The following MYO1B variants were observed in gnomAD, a reference collection of about 807,000 sequenced individuals.
The protein encoded by MYO1B is myosin IB.
In MYO1B, 72 loss-of-function variants were observed where a neutral mutation model predicts 159.7. That is an observed-to-expected ratio of 0.45 (90% CI 0.37 to 0.55). The LOEUF (loss-of-function observed/expected upper bound fraction) is 0.55. Among genes scored for constraint, MYO1B ranks in the 20% least tolerant of loss-of-function variants. The probability of loss-of-function intolerance (pLI) is 0.00; values close to 1 mark genes in which losing one functional copy is unlikely to be tolerated. For synonymous variants in MYO1B, 468 were observed against 473.8 expected, an observed-to-expected ratio of 0.99 and a Z score of 0.16; for missense variants, 1,062 against 1,364.8, an observed-to-expected ratio of 0.78 and a Z score of 3.50.
rs1284895965 is a variant in MYO1B, at chr2:191,410,829, G to A, written c.2767-237G>A. Among the ~76,000 whole-genome samples, 3 of 152,136 alleles carry A rather than the reference G, an allele frequency of 2.0e-5. No individual in the cohort carries two copies. The East Asian group carries it at 5.8e-4, about 29-fold the overall frequency. On this transcript the variant is annotated intron_variant, in intron 26 of 30. Coordinates refer to ENST00000392318, the MANE Select transcript of MYO1B (RefSeq NM_001130158.3). ...TACTTGCAAGGCCCGTGCCCACTAG[G>A]CCCTGGTGTGTTTTGAAGAAGCATT...
At chr2:191,357,038 A>G (rs1693338224) in intron 7 of MYO1B, among the ~76,000 whole-genome samples, 4 of 152,218 alleles carry the variant, frequency 2.6e-5, no homozygotes, top group Non-Finnish European at 4.4e-5. Context: ...AGCCTTAATC[A>G]AGAATTTGGA....
chr2:191,247,426 G>A (rs1383195946), intron 1 of MYO1B, among the ~76,000 whole-genome samples: 1 of 152,204 alleles, frequency 6.6e-6, no homozygotes, highest in Non-Finnish European at 1.5e-5. Flanking sequence ...GAAAAGAGCT[G>A]TATAAGCTAC....
chr2:191,283,611 C>T (rs1052669728), intron 2 of MYO1B, among the ~76,000 whole-genome samples: 2 of 152,174 alleles, frequency 1.3e-5, no homozygotes, highest in African/African-American at 4.8e-5. Context: ...AAATTATCTT[C>T]ATTTTACATA....
chr2:191,322,879 T>A (rs1038672412), intron 3 of MYO1B, among the ~76,000 whole-genome samples: 1 of 152,104 alleles, frequency 6.6e-6, no homozygotes, highest in Non-Finnish European at 1.5e-5. Flanking sequence ...ACAAGTTTAT[T>A]AGAGAATCAG....
intron 4 of MYO1B, among the ~76,000 whole-genome samples, chr2:191,333,834 T>C (rs1691648880): frequency 6.6e-6 from 1 of 152,194 alleles, no homozygotes; most frequent in South Asian, 2.1e-4. Context: ...AAACAGAATT[T>C]AATTCTTAGA....
At chr2:191,370,069 C>A (rs2126037292) in intron 12 of MYO1B, among the ~76,000 whole-genome samples, 158 bp from the exon 13 acceptor site, 1 of 152,218 alleles carries the variant, frequency 6.6e-6, no homozygotes, top group East Asian at 1.9e-4. Flanking sequence ...AGTTCTATAC[C>A]AATGCCTCAT....
At chr2:191,299,362 C>T (rs1285897014) in intron 3 of MYO1B, among the ~76,000 whole-genome samples, 1 of 151,982 alleles carries the variant, frequency 6.6e-6, no homozygotes, top group Non-Finnish European at 1.5e-5. Context: ...ACTAATGCAT[C>T]TGAAGTTGCC....
At chr2:191,387,715 C>T in intron 17 of MYO1B, 1 of 473,168 alleles carries the variant, frequency 2.1e-6, no homozygotes, top group Non-Finnish European at 3.8e-6. Flanking sequence ...GGGTTTTCAA[C>T]TTTCTGTATG....
rs1211031992 is a variant in MYO1B, at chr2:191,383,446, TTTTA to T, written c.1353+106_1353+109del. On this transcript the variant is annotated intron_variant, in intron 15 of 30. Transcript: ENST00000392318. Reference sequence around the variant, plus strand: ...GTTAAGCATTAGTATTTTCACTGTTTTTTATATATATATATATATATATATATAC... The same window carrying T: ...GTTAAGCATTAGTATTTTCACTGTTTTATATATATATATATATATATATAC... The T allele has an allele frequency of 1.9e-3, 72 of 38,034 alleles. 5 individuals carry two copies. Among genetic ancestry groups the T allele is most frequent in the African/African-American group, 5.7e-3 (65 of 11,328 alleles). 2.4% of individuals were successfully genotyped at this position (38,034 alleles called of 1,614,324 possible).
chr2:191,275,909 T>G (rs549768390), intron 1 of MYO1B, among the ~76,000 whole-genome samples: 2 of 152,326 alleles, frequency 1.3e-5, no homozygotes, highest in South Asian at 4.1e-4. Context: ...TTGAAAGATT[T>G]TTAGTACTCT....
intron 30 of MYO1B, among the ~76,000 whole-genome samples, chr2:191,417,069 A>C (rs1011735243): frequency 3.3e-5 from 5 of 152,204 alleles, no homozygotes; most frequent in African/African-American, 1.2e-4. Flanking sequence ...ACTTCTTTGC[A>C]TGTCTAGATT....
intron 20 of MYO1B, among the ~76,000 whole-genome samples, 174 bp from the exon 21 acceptor site, chr2:191,396,255 T>C (rs1696064330): frequency 6.6e-6 from 1 of 152,236 alleles, no homozygotes; most frequent in South Asian, 2.1e-4. Flanking sequence ...TACTTTGGAT[T>C]AACTGTAATA....
intron 17 of MYO1B, among the ~76,000 whole-genome samples, chr2:191,388,843 A>C (rs1028185921): frequency 6.6e-6 from 1 of 152,166 alleles, no homozygotes; most frequent in Non-Finnish European, 1.5e-5. Flanking sequence ...AAGACGTAAA[A>C]CATTTCCATT....
At chr2:191,268,707 C>T (rs940498734) in intron 1 of MYO1B, among the ~76,000 whole-genome samples, 1 of 152,200 alleles carries the variant, frequency 6.6e-6, no homozygotes, top group African/African-American at 2.4e-5. Context: ...CTGGAGGAGT[C>T]TGGGAAGGTT....
intron 17 of MYO1B, among the ~76,000 whole-genome samples, chr2:191,388,466 C>G (rs1046459851): frequency 9.9e-5 from 15 of 152,098 alleles, no homozygotes; most frequent in African/African-American, 3.6e-4. Context: ...CACACCCATA[C>G]CCACAAGTAC....
chr2:191,286,996 T>G (rs1168474615), intron 2 of MYO1B, among the ~76,000 whole-genome samples: 2 of 152,218 alleles, frequency 1.3e-5, no homozygotes, highest in Non-Finnish European at 2.9e-5. Flanking sequence ...GTGGTAGGAC[T>G]CATTAATGAA....
intron 7 of MYO1B, among the ~76,000 whole-genome samples, chr2:191,358,862 A>G (rs1348785222): frequency 6.6e-6 from 1 of 152,230 alleles, no homozygotes; most frequent in African/African-American, 2.4e-5. Context: ...TTTGTAGACC[A>G]AGTGGAAGGT....
intron 13 of MYO1B, among the ~76,000 whole-genome samples, chr2:191,372,879 C>CTTTTTTTTTTTT (rs34444520): frequency 1.4e-5 from 1 of 70,146 alleles, no homozygotes; most frequent in African/African-American, 5.9e-5. Flanking sequence ...GTTATATTTC[C>CTTTTTTTTTTTT]TTTTTTTTTT....
chr2:191,347,124 C>G (rs1692620168), intron 6 of MYO1B, among the ~76,000 whole-genome samples: 1 of 152,236 alleles, frequency 6.6e-6, no homozygotes. Flanking sequence ...TTTTATGCCT[C>G]CTTATGTGAG....
Sources: gnomAD v4.1 joint callset for allele counts (sites outside exome capture counted in the v4.1 genomes callset) on GRCh38, gnomAD v4.1.1 for gene constraint, MANE v1.5 for transcripts, NCBI Gene and HGNC (gene_info 2026-07-23, HGNC 2026-07-21) for gene names.